SNX24: variants seen among roughly 807,000 people sequenced by gnomAD.
The protein encoded by SNX24 is sorting nexin-24.
A neutral mutation model predicts 28.7 loss-of-function variants in SNX24; 22 were observed. That is an observed-to-expected ratio of 0.77 (90% CI 0.55 to 1.10). The LOEUF (loss-of-function observed/expected upper bound fraction) is 1.10, where lower values mean the gene tolerates loss of function less well. Ranked by LOEUF, SNX24 falls within the 50% of genes least tolerant of loss-of-function variation. The pLI, the probability that SNX24 is intolerant of heterozygous loss-of-function variation, is 0.00. For missense variants in SNX24, 221 were observed against 201.1 expected (o/e 1.10, Z -0.60); for synonymous variants, 69 against 71.5 (o/e 0.96, Z 0.18).
chr5:123,018,622 G>A (rs1581868342), intron 5 of SNX24, among the ~76,000 whole-genome samples: 1 of 152,238 alleles, frequency 6.6e-6, no homozygotes, highest in African/African-American at 2.4e-5. Context: ...AGGGGTTTTG[G>A]TAATTTGGGT....
intron 1 of SNX24, among the ~76,000 whole-genome samples, chr5:122,909,513 G>A (rs1249504784): frequency 6.6e-6 from 1 of 152,220 alleles, no homozygotes; most frequent in South Asian, 2.1e-4. Flanking sequence ...GAGTATCAGA[G>A]TGGAAAGAGC....
At chr5:123,022,601 G>A (rs1291998745) in intron 5 of SNX24, 1 of 152,356 alleles carries the variant, frequency 6.6e-6, no homozygotes, top group Non-Finnish European at 1.5e-5. Flanking sequence ...ACCTGGGCCA[G>A]TTCACCCCTC....
At chr5:122,942,778 A>C (rs1414897743) in intron 2 of SNX24, among the ~76,000 whole-genome samples, 1 of 152,170 alleles carries the variant, frequency 6.6e-6, no homozygotes, top group Non-Finnish European at 1.5e-5. Flanking sequence ...TCTTGTAAGC[A>C]GCTGAGCCCT....
chr5:122,983,964 T>C (rs1372661614), intron 3 of SNX24, among the ~76,000 whole-genome samples: 1 of 152,214 alleles, frequency 6.6e-6, no homozygotes, highest in Non-Finnish European at 1.5e-5. Flanking sequence ...AGAAGGCCAC[T>C]AAAGAATAAT....
intron 3 of SNX24, among the ~76,000 whole-genome samples, chr5:122,953,057 T>C (rs80346924): frequency 6.7e-6 from 1 of 149,966 alleles, no homozygotes; most frequent in Non-Finnish European, 1.5e-5. Flanking sequence ...GCGATTTCTT[T>C]CTTTCTTTCT....
intron 1 of SNX24, among the ~76,000 whole-genome samples, chr5:122,933,821 C>CT (rs1561618944): frequency 2.0e-5 from 3 of 150,788 alleles, no homozygotes; most frequent in South Asian, 4.2e-4. Flanking sequence ...ACATTCAACT[C>CT]TTTTTTTCTT....
chr5:123,001,784 C>G (rs887785817), intron 5 of SNX24, among the ~76,000 whole-genome samples, 156 bp from the exon 6 acceptor site: 1 of 152,220 alleles, frequency 6.6e-6, no homozygotes, highest in African/African-American at 2.4e-5. Context: ...CCCATTTGTT[C>G]ACTCTTACTC....
At chr5:123,021,206 C>T (rs1052836496) in intron 5 of SNX24, among the ~76,000 whole-genome samples, 5 of 151,154 alleles carry the variant, frequency 3.3e-5, no homozygotes, top group Non-Finnish European at 7.4e-5. Flanking sequence ...TGACTTATTG[C>T]TCCCTGATGT....
intron 1 of SNX24, among the ~76,000 whole-genome samples, chr5:122,933,354 C>G (rs1171124824): frequency 1.3e-5 from 2 of 152,212 alleles, no homozygotes; most frequent in African/African-American, 2.4e-5. Flanking sequence ...GATTGGTTTT[C>G]ACCTGAATAC....
intron 3 of SNX24, among the ~76,000 whole-genome samples, chr5:122,947,743 G>T (rs1759752237): frequency 6.6e-6 from 1 of 152,100 alleles, no homozygotes; most frequent in Non-Finnish European, 1.5e-5. Context: ...AAAAATGCAT[G>T]TTCTCTATAA....
intron 5 of SNX24, among the ~76,000 whole-genome samples, chr5:123,024,220 A>G (rs45578633): frequency 0.03 from 4,592 of 152,294 alleles, 130 homozygotes; most frequent in East Asian, 0.04. Context: ...AAATTCACCC[A>G]TGACCTTCTT....
intron 1 of SNX24, among the ~76,000 whole-genome samples, chr5:122,924,745 G>A (rs1028082583): frequency 3.9e-5 from 6 of 152,052 alleles, no homozygotes; most frequent in East Asian, 1.9e-4. Context: ...GAAAGTAGGC[G>A]TTATCATCTC....
At chr5:122,919,937 GAATT>G (rs1353558688) in intron 1 of SNX24, among the ~76,000 whole-genome samples, 1 of 152,204 alleles carries the variant, frequency 6.6e-6, no homozygotes, top group Non-Finnish European at 1.5e-5. Context: ...ATGGATAGCT[GAATT>G]GTTCTAATAG....
At position 123,000,216 on chromosome 5, in the gene SNX24, G is replaced by A. The variant is rs146365155; in HGVS notation, c.344+210G>A. Among the ~76,000 whole-genome samples the A allele has an allele frequency of 1.5e-3, 233 of 152,270 alleles. 1 individual carries two copies. In the Middle Eastern group the frequency reaches 0.017, roughly 11 times the overall value. ...TCTTGCGGCCAAATGGCCATGGTTCGGTAACCCATGTTTAGACTCAAGGAA... is the reference window on the plus strand; with the variant it reads ...TCTTGCGGCCAAATGGCCATGGTTCAGTAACCCATGTTTAGACTCAAGGAA... On this transcript the variant is annotated intron_variant, in intron 4 of 6. Coordinates refer to ENST00000261369, the MANE Select transcript of SNX24 (RefSeq NM_014035.4).
chr5:122,970,365 A>G (rs1760906524), intron 3 of SNX24, among the ~76,000 whole-genome samples: 2 of 152,080 alleles, frequency 1.3e-5, no homozygotes, highest in Admixed American at 6.5e-5. Flanking sequence ...TGGGGTATAT[A>G]TCTCTGATCG....
At chr5:122,933,232 C>A (rs1403641498) in intron 1 of SNX24, among the ~76,000 whole-genome samples, 1 of 152,152 alleles carries the variant, frequency 6.6e-6, no homozygotes, top group East Asian at 1.9e-4. Context: ...ACTAATGCCT[C>A]GTGAATTATG....
At chr5:122,846,334 A>C (rs2150025759) in intron 1 of SNX24, among the ~76,000 whole-genome samples, 1 of 152,190 alleles carries the variant, frequency 6.6e-6, no homozygotes, top group African/African-American at 2.4e-5. Flanking sequence ...AGACCAGGGC[A>C]TGGGCCCTTT....
At chr5:122,986,581 C>T (rs1481581874) in intron 3 of SNX24, among the ~76,000 whole-genome samples, 1 of 152,058 alleles carries the variant, frequency 6.6e-6, no homozygotes, top group Non-Finnish European at 1.5e-5. Context: ...CAAAAGCAAC[C>T]TGTGGCCATG....
At chr5:122,943,532 G>A (rs940611873) in intron 2 of SNX24, among the ~76,000 whole-genome samples, 5 of 152,134 alleles carry the variant, frequency 3.3e-5, no homozygotes, top group African/African-American at 1.2e-4. Flanking sequence ...CGTGAGGCTC[G>A]GGGCCCTCTT....
Sources: allele counts gnomAD v4.1 joint callset (sites outside exome capture counted in the v4.1 genomes callset), GRCh38; gene constraint gnomAD v4.1.1; transcripts MANE v1.5; gene names NCBI Gene and HGNC (gene_info 2026-07-23, HGNC 2026-07-21).